MPP2: variants seen among roughly 807,000 people sequenced by gnomAD.
The protein encoded by MPP2 is MAGUK p55 subfamily member 2.
In MPP2, 42 loss-of-function variants were observed where a neutral mutation model predicts 58.5. That is an observed-to-expected ratio of 0.72 (90% CI 0.56 to 0.93). The LOEUF is 0.93. Among genes scored for constraint, MPP2 ranks in the 40% least tolerant of loss-of-function variants. The pLI is 0.00. For synonymous variants in MPP2, 300 were observed against 307.8 expected, an observed-to-expected ratio of 0.97 and a Z score of 0.26; for missense variants, 632 against 760.4, an observed-to-expected ratio of 0.83 and a Z score of 1.99.
intron 2 of MPP2, 93 bp from the exon 3 acceptor site, chr17:43,898,473 T>G: frequency 4.7e-6 from 2 of 429,480 alleles, no homozygotes; most frequent in Non-Finnish European, 3.8e-6. Context: ...CCCACCCCCA[T>G]GTCCCACAGA....
At chr17:43,908,314 A>G (rs2048365408), upstream of MPP2, among the ~76,000 whole-genome samples, 1 of 152,214 alleles carries the variant, frequency 6.6e-6, no homozygotes, top group East Asian at 1.9e-4. Context: ...GTGCAGTGCG[A>G]CTAGCATTTG....
upstream of MPP2, among the ~76,000 whole-genome samples, chr17:43,908,271 A>G (rs1268710979): frequency 6.6e-6 from 1 of 152,214 alleles, no homozygotes; most frequent in Non-Finnish European, 1.5e-5. Context: ...TCTGCTAGTA[A>G]AAGATGCTGG....
chr17:43,897,481 C>G (rs2047893232), intron 3 of MPP2, among the ~76,000 whole-genome samples: 1 of 148,362 alleles, frequency 6.7e-6, no homozygotes, highest in Non-Finnish European at 1.5e-5. Context: ...AACTCCTTCT[C>G]AAAACAAAAC....
At chr17:43,908,049 G>C (rs1472646097), upstream of MPP2, 7 of 910,000 alleles carry the variant, frequency 7.7e-6, no homozygotes, top group African/African-American at 3.6e-5. Flanking sequence ...CCGGATTCCA[G>C]ACTTTCCAGA....
intron 3 of MPP2, among the ~76,000 whole-genome samples, chr17:43,884,387 T>A (rs1339231525): frequency 6.6e-6 from 1 of 152,238 alleles, no homozygotes; most frequent in Admixed American, 6.5e-5. Flanking sequence ...TTTTTTTGTT[T>A]CTGTTTTTGT....
chr17:43,884,946 C>A (rs1388780482), intron 3 of MPP2, among the ~76,000 whole-genome samples: 1 of 152,002 alleles, frequency 6.6e-6, no homozygotes, highest in Non-Finnish European at 1.5e-5. Context: ...CATGGTGAAA[C>A]CCCGTTTCTA....
In MPP2 at chr17:43,907,496, C is replaced by G; in HGVS notation, c.-56G>C. The G allele has an allele frequency of 2.0e-6, 2 of 985,520 alleles. No individual in the cohort carries two copies. Among genetic ancestry groups the G allele is most frequent in the South Asian group, 4.7e-5 (1 of 21,296 alleles). 61.0% of individuals were successfully genotyped at this position (985,520 alleles called of 1,614,324 possible). A position where few individuals can be genotyped will look rare whatever the true frequency, so the allele number is the denominator to read the frequency against. On this transcript the variant is annotated 5_prime_UTR_variant, in exon 1 of 13. Transcript: ENST00000269095. ...TACCTGCGCCCCGGGAAGCCCCTAG[C>G]TCCGGGCGGCTCCAGCGCAGCCGGG...
rs1286623919 is a variant in MPP2 at position 43,876,865 on chromosome 17, C to G, written c.*942G>C. Reference sequence around the variant, plus strand: ...CTCCTCCTTAGCCCCTCCAACCCAGCAGCCCTGATGCAAGTGGGCTACCTG... The same window carrying G: ...CTCCTCCTTAGCCCCTCCAACCCAGGAGCCCTGATGCAAGTGGGCTACCTG... On this transcript the variant is annotated 3_prime_UTR_variant, in exon 13 of 13. Coordinates refer to ENST00000269095, the MANE Select transcript of MPP2 (RefSeq NM_005374.5). 6.6e-6 allele frequency: 1 copy of G among 152,528 alleles called. No homozygotes were observed. The allele number at this position is 152,528 out of a possible 1,614,324, so 9.4% of individuals were successfully genotyped here.
At chr17:43,907,757 C>T (rs1011669421), upstream of MPP2, 4 of 985,424 alleles carry the variant, frequency 4.1e-6, no homozygotes, top group African/African-American at 5.2e-5. Context: ...GTTAGGGAGG[C>T]AGGACTGGTA....
chr17:43,883,330 T>C lies in MPP2; in HGVS notation c.176A>G (p.Lys59Arg). The C allele has an allele frequency of 6.2e-7, 1 of 1,612,390 alleles. No individual in the cohort carries two copies. The change falls in exon 4 of 13, where the codon AAG becomes AGG. Residue 59 changes from lysine to arginine, a missense_variant. Physicochemically the swap from Lys to Arg is conservative, Grantham distance 26. Coordinates refer to ENST00000269095, the MANE Select transcript of MPP2 (RefSeq NM_005374.5). ...AKAHERLEET[K>R]LEAVRDNNLE... Reference sequence around the variant, plus strand: ...GTTGTTGTCTCTCACGGCCTCCAGCTTCGTCTCCTCCAGCCTCTCATGGGC... The same window carrying C: ...GTTGTTGTCTCTCACGGCCTCCAGCCTCGTCTCCTCCAGCCTCTCATGGGC...
chr17:43,902,042 T>C (rs956987743), intron 2 of MPP2, among the ~76,000 whole-genome samples: 1 of 152,106 alleles, frequency 6.6e-6, no homozygotes, highest in Non-Finnish European at 1.5e-5. Flanking sequence ...GTGGGAAGTA[T>C]AATGACCACC....
At chr17:43,904,520 C>T (rs758088609) in intron 1 of MPP2, 27 bp from the exon 2 acceptor site, 1 of 1,605,746 alleles carries the variant, frequency 6.2e-7, no homozygotes, top group South Asian at 1.1e-5. Context: ...GGAGGATGAG[C>T]AGATACAAGG....
chr17:43,900,330 C>T (rs749931444), intron 2 of MPP2: 11 of 850,912 alleles, frequency 1.3e-5, no homozygotes, highest in Admixed American at 5.8e-5. Flanking sequence ...GGAGTTGGTG[C>T]CCTCTGCCCA....
intron 2 of MPP2, chr17:43,900,738 G>A (rs565011716): frequency 8.9e-5 from 96 of 1,072,892 alleles, no homozygotes; most frequent in Admixed American, 3.0e-4. Context: ...CTGGCGCTGC[G>A]CGGTGCAGAG....
chr17:43,880,761 G>T lies in MPP2; in HGVS notation c.1080C>A (p.Gly360=). The change falls in exon 10 of 13, where the codon GGC becomes GGA. Residue 360 remains glycine (G), a synonymous_variant. Coordinates refer to ENST00000269095, the MANE Select transcript of MPP2 (RefSeq NM_005374.5). The surrounding 1 kb of genome is among the most constrained non-coding windows in gnomAD (Gnocchi z 5.2). ...RKTLVLIGAQ[G]VGRRSLKNKL... ...TGTTCTTCAGGCTGCGCCGTCCCACGCCCTGAGCCCCAATCAGTACCAGGG... is the reference window on the plus strand; with the variant it reads ...TGTTCTTCAGGCTGCGCCGTCCCACTCCCTGAGCCCCAATCAGTACCAGGG... 6.2e-7 allele frequency: 1 copy of T among 1,614,024 alleles called. No individual in the cohort carries two copies. Among genetic ancestry groups the T allele is most frequent in the Non-Finnish European group, 8.5e-7 (1 of 1,179,940 alleles).
chr17:43,907,127 A>AC, intron 1 of MPP2: 4 of 969,070 alleles, frequency 4.1e-6, no homozygotes, highest in Non-Finnish European at 4.9e-6. Context: ...CACGGTTCTT[A>AC]CGTAATGCCG....
chr17:43,885,645 C>G (rs1397677579), intron 3 of MPP2, among the ~76,000 whole-genome samples: 1 of 152,172 alleles, frequency 6.6e-6, no homozygotes, highest in Admixed American at 6.5e-5. Context: ...CTTATTTGTT[C>G]TGTCCTTCAA....
intron 3 of MPP2, among the ~76,000 whole-genome samples, chr17:43,894,468 T>C (rs2047750849): frequency 1.7e-5 from 2 of 115,892 alleles, no homozygotes; most frequent in Non-Finnish European, 3.7e-5. Flanking sequence ...CACACAAAAA[T>C]TAGCCGGGCA....
chr17:43,907,104 G>A, intron 1 of MPP2: 1 of 935,188 alleles, frequency 1.1e-6, no homozygotes, highest in African/African-American at 1.8e-5. Context: ...CCAACCCCCG[G>A]AAGCGCTAAC....
Sources: gnomAD v4.1 joint callset for allele counts (sites outside exome capture counted in the v4.1 genomes callset) on GRCh38, gnomAD v4.1.1 for gene constraint, Gnocchi (gnomAD v3.1) non-coding constraint, MANE v1.5 for transcripts, NCBI Gene and HGNC (gene_info 2026-07-23, HGNC 2026-07-21) for gene names.